EMILIN2: variants seen among roughly 807,000 people sequenced by gnomAD.
EMILIN2 encodes the protein EMILIN-2.
In EMILIN2, 71 loss-of-function variants were observed where a neutral mutation model predicts 87.1. The ratio of observed to expected loss-of-function variants is 0.82; its 90% CI spans 0.67 to 0.99. The LOEUF (loss-of-function observed/expected upper bound fraction) is 0.99. Ranked by LOEUF, EMILIN2 falls within the 50% of genes least tolerant of loss-of-function variation. The pLI, the probability that EMILIN2 is intolerant of heterozygous loss-of-function variation, is 0.00. For synonymous variants in EMILIN2, 581 were observed against 563.4 expected, an observed-to-expected ratio of 1.03 and a Z score of -0.44; for missense variants, 1,407 against 1,371.8, an observed-to-expected ratio of 1.03 and a Z score of -0.40.
At chr18:2,879,227 A>C (rs1458607234) in intron 2 of EMILIN2, among the ~76,000 whole-genome samples, 4 of 152,228 alleles carry the variant, frequency 2.6e-5, no homozygotes, top group African/African-American at 9.6e-5. Flanking sequence ...CAGCCCTGTC[A>C]GGTAGAATAT....
In EMILIN2 at chr18:2,913,217, A is replaced by C. The variant is rs1439535902; in HGVS notation, c.2975A>C (p.Tyr992Ser). The change falls in exon 8 of 8, where the codon TAC (tyrosine) becomes TCC (serine). Residue 992 changes from tyrosine (Y) to serine (S), a missense_variant. Tyr to Ser is a moderately radical substitution (Grantham distance 144, BLOSUM62 -2). Coordinates refer to ENST00000254528, the MANE Select transcript of EMILIN2 (RefSeq NM_032048.3). ...TAGYRREFLE[Y>S]HRPPGALHTC... is the part of the protein sequence containing the mutation. ...GGGTACAGGAGAGAGTTCCTGGAAT[A>C]CCACCGCCCTCCAGGAGCTTTGCAT... The C allele has an allele frequency of 6.2e-7, 1 of 1,613,796 alleles. No individual in the cohort carries two copies. The highest frequency in any genetic ancestry group is 8.5e-7 in the Non-Finnish European group (1 of 1,180,014).
chr18:2,858,553 A>ATGTGTG (rs1568454015), intron 2 of EMILIN2, among the ~76,000 whole-genome samples: 9 of 50,044 alleles, frequency 1.8e-4, no homozygotes, highest in African/African-American at 1.2e-3. Flanking sequence ...ATATATATAT[A>ATGTGTG]TATATATATA....
intron 2 of EMILIN2, among the ~76,000 whole-genome samples, chr18:2,857,106 C>G (rs2076631765): frequency 6.6e-6 from 1 of 152,052 alleles, no homozygotes; most frequent in African/African-American, 2.4e-5. Flanking sequence ...TTTGTTCCAC[C>G]TAAGAAAATA....
chr18:2,868,092 G>C (rs2143985037), intron 2 of EMILIN2, among the ~76,000 whole-genome samples: 1 of 152,224 alleles, frequency 6.6e-6, no homozygotes. Context: ...TGGAGCGGCT[G>C]CCGGGTGGAG....
intron 7 of EMILIN2, among the ~76,000 whole-genome samples, chr18:2,912,854 G>A (rs2076947692): frequency 1.3e-5 from 2 of 152,164 alleles, no homozygotes; most frequent in Admixed American, 1.3e-4. Flanking sequence ...TAGGCCCATG[G>A]CAAAAAGTGG....
rs750207112 is a variant in EMILIN2, at chr18:2,847,930, G to A, written c.256G>A (p.Val86Met). 63 of 1,609,640 alleles carry A rather than the reference G, an allele frequency of 3.9e-5. No individual in the cohort carries two copies. In the South Asian group the frequency reaches 6.2e-4, roughly 16 times the overall value. ...WNQMPCPSALVYRVNFRPRYV... is the reference protein window; with the variant it reads ...WNQMPCPSALMYRVNFRPRYV... The stretch of plus-strand genomic sequence containing the variant: ...CCAGATGCCCTGTCCGTCGGCGCTG[G>A]TGTAAGTCCTGGAGCCGGGGAGCGG... The change falls in exon 2 of 8, where the codon GTG becomes ATG. Residue 86 changes from valine to methionine, a missense_variant and splice_region_variant. Coordinates refer to ENST00000254528, the MANE Select transcript of EMILIN2 (RefSeq NM_032048.3). This position sits in a 1 kb window ranked among gnomAD's most constrained non-coding sequence, Gnocchi z 4.5.
At chr18:2,850,337 A>G (rs1377460506) in intron 2 of EMILIN2, among the ~76,000 whole-genome samples, 2 of 152,000 alleles carry the variant, frequency 1.3e-5, no homozygotes, top group African/African-American at 4.8e-5. Flanking sequence ...GGAATTGTTC[A>G]GTGTTTTCTG....
intron 7 of EMILIN2, among the ~76,000 whole-genome samples, chr18:2,912,678 C>T (rs1368462382): frequency 6.6e-6 from 1 of 152,176 alleles, no homozygotes; most frequent in Non-Finnish European, 1.5e-5. Flanking sequence ...AGGAGCCTGG[C>T]ATGGCCCCTG....
At chr18:2,908,311 CAT>C (rs2076924388) in intron 5 of EMILIN2, among the ~76,000 whole-genome samples, 2 of 152,194 alleles carry the variant, frequency 1.3e-5, no homozygotes, top group Non-Finnish European at 1.5e-5. Flanking sequence ...CCCACCCACA[CAT>C]GTATCCGTGT....
chr18:2,895,432 C>T (rs1446045928), intron 4 of EMILIN2, among the ~76,000 whole-genome samples: 1 of 152,176 alleles, frequency 6.6e-6, no homozygotes, highest in Admixed American at 6.5e-5. Context: ...TATAACAACC[C>T]ATTCCAAATC....
In EMILIN2 at chr18:2,906,979, GCCCCCC is replaced by G; in HGVS notation, c.2557_2562del (p.Pro853_Pro854del). 7.2e-7 allele frequency: 1 copy of G among 1,388,360 alleles called. No homozygotes were observed. Among genetic ancestry groups the G allele is most frequent in the South Asian group, 1.6e-5 (1 of 63,030 alleles). 86.0% of individuals were successfully genotyped at this position (1,388,360 alleles called of 1,614,324 possible). A position where few individuals can be genotyped will look rare whatever the true frequency, so the allele number is the denominator to read the frequency against. ...TCATCGCGGAGACGGGCCAGGCCGG[GCCCCCC>G]GCAGGCGCAGGCGTGTCTGGGCGGG... On this transcript the variant is annotated inframe_deletion, in exon 5 of 8. Transcript: ENST00000254528.
chr18:2,869,279 T>C (rs549799330), intron 2 of EMILIN2, among the ~76,000 whole-genome samples: 2 of 106,904 alleles, frequency 1.9e-5, no homozygotes, highest in African/African-American at 8.6e-5. Flanking sequence ...AATTACATAG[T>C]TAAAAAAAAA....
Position 2,889,304 on chromosome 18 carries a change from A to AT in EMILIN2, c.434-1252dup, listed in dbSNP as rs560281086. On this transcript the variant is annotated intron_variant, in intron 3 of 7. Transcript: ENST00000254528. ...AGGCACCAGCCACCACACCTGGCTG[A>AT]TTTTTGTATTTTTAGTAGAGATGGG... Among the ~76,000 whole-genome samples, 59 of 151,286 alleles carry AT rather than the reference A, an allele frequency of 3.9e-4. 1 individual carries two copies. Among genetic ancestry groups the AT allele is most frequent in the African/African-American group, 1.3e-3 (52 of 41,240 alleles).
intron 4 of EMILIN2, among the ~76,000 whole-genome samples, chr18:2,904,003 G>T (rs2076899291): frequency 6.6e-6 from 1 of 152,088 alleles, no homozygotes; most frequent in African/African-American, 2.4e-5. Context: ...TTTAAGAAAG[G>T]GTGCGTGAGA....
rs1342438077 is a variant in EMILIN2, at chr18:2,914,260, A to G, written c.*856A>G. On this transcript the variant is annotated 3_prime_UTR_variant, in exon 8 of 8. Transcript: ENST00000254528. The stretch of plus-strand genomic sequence containing the variant: ...CTTGGGTTTTGTTTCTGGCTTGTGA[A>G]GACGGACCAGATGTGCACGGAGGTC... 1 of 152,212 alleles carries G rather than the reference A, an allele frequency of 6.6e-6. No homozygotes were observed. Among genetic ancestry groups the G allele is most frequent in the African/African-American group, 2.4e-5 (1 of 41,440 alleles). The allele number at this position is 152,212 out of a possible 1,614,324, so 9.4% of individuals were successfully genotyped here. A position where few individuals can be genotyped will look rare whatever the true frequency, so the allele number is the denominator to read the frequency against.
chr18:2,888,874 T>C (rs2076816601), intron 3 of EMILIN2, among the ~76,000 whole-genome samples: 1 of 115,310 alleles, frequency 8.7e-6, no homozygotes, highest in African/African-American at 3.6e-5. Flanking sequence ...AAATAATAGC[T>C]GCTATTATGA....
chr18:2,872,502 A>G (rs144809961), intron 2 of EMILIN2, among the ~76,000 whole-genome samples: 1 of 152,330 alleles, frequency 6.6e-6, no homozygotes, highest in African/African-American at 2.4e-5. Context: ...GATTACAGCC[A>G]TGAGCCACCA....
intron 2 of EMILIN2, among the ~76,000 whole-genome samples, chr18:2,872,523 G>T (rs1308145788): frequency 6.6e-5 from 10 of 152,186 alleles, no homozygotes; most frequent in Admixed American, 6.5e-4. Context: ...TGCCTGGACT[G>T]AAAATGGTTT....
Position 2,873,049 on chromosome 18 carries a change from TA to T in EMILIN2, c.258-11903del, listed in dbSNP as rs954467493. Among the ~76,000 whole-genome samples the T allele has an allele frequency of 1.9e-3, 244 of 131,428 alleles. 1 individual carries two copies. The highest frequency in any genetic ancestry group is 3.8e-3 in the Middle Eastern group (1 of 262). 86.2% of individuals were successfully genotyped at this position (131,428 alleles called of 152,430 possible). A position where few individuals can be genotyped will look rare whatever the true frequency, so the allele number is the denominator to read the frequency against. The stretch of plus-strand genomic sequence containing the variant: ...ACAAAATAATGCAGATTATGTGATT[TA>T]AAAAAAAAAAACAAAACCAAAAACT... On this transcript the variant is annotated intron_variant, in intron 2 of 7. Transcript: ENST00000254528.
Sources: allele counts gnomAD v4.1 joint callset (sites outside exome capture counted in the v4.1 genomes callset), GRCh38; gene constraint gnomAD v4.1.1; non-coding constraint Gnocchi (gnomAD v3.1); transcripts MANE v1.5; gene names NCBI Gene and HGNC (gene_info 2026-07-23, HGNC 2026-07-21).